Variants in QTGAL observed in about 807,000 individuals in gnomAD.
QTGAL encodes the protein queuosine-tRNA galactosyltransferase.
the QTGAL span, among the ~76,000 whole-genome samples, chr17:82,974,967 C>CT: frequency 7.9e-3 from 929 of 118,160 alleles, 41 homozygotes; most frequent in African/African-American, 0.037. Context: ...CCGGAGGCCA[C>CT]TATGGAGAGT....
chr17:83,046,986 C>T, the QTGAL span, among the ~76,000 whole-genome samples: 916 of 152,358 alleles, frequency 6.0e-3, 9 homozygotes, highest in African/African-American at 0.02. Context: ...TGGAACCTGA[C>T]TCCATTCACA....
the QTGAL span, chr17:82,956,577 C>A: frequency 1.6e-3 from 1,889 of 1,178,526 alleles, 8 homozygotes; most frequent in Non-Finnish European, 2.1e-3. This position sits in a 1 kb window ranked among gnomAD's most constrained non-coding sequence, Gnocchi z 5.7. Flanking sequence ...GTCCCCATGC[C>A]CACCATCGGC....
At chr17:82,962,609 G>A in the QTGAL span, among the ~76,000 whole-genome samples, 2 of 133,494 alleles carry the variant, frequency 1.5e-5, no homozygotes, top group African/African-American at 5.3e-5. Context: ...ACCCTCACAC[G>A]GGTGATTTAG....
the QTGAL span, among the ~76,000 whole-genome samples, chr17:82,969,221 G>A: frequency 2.6e-5 from 4 of 151,764 alleles, no homozygotes; most frequent in African/African-American, 7.3e-5. Flanking sequence ...GTGCAGTGGC[G>A]CGATCTCAGC....
chr17:83,036,809 C>A, the QTGAL span, among the ~76,000 whole-genome samples: 2 of 152,146 alleles, frequency 1.3e-5, no homozygotes, highest in Admixed American at 6.5e-5. Flanking sequence ...AGGCACTGGG[C>A]AGCTTTGTGG....
chr17:83,048,640 G>A, the QTGAL span: 3 of 1,606,654 alleles, frequency 1.9e-6, no homozygotes, highest in East Asian at 4.5e-5. Context: ...CACTGGGGCT[G>A]AGTCACCCGA....
At chr17:82,961,043 C>T in the QTGAL span, 5 of 1,603,030 alleles carry the variant, frequency 3.1e-6, no homozygotes, top group South Asian at 3.3e-5. Context: ...CGGGGCCGGG[C>T]GGGGCTGACT....
the QTGAL span, among the ~76,000 whole-genome samples, chr17:82,970,072 G>C: frequency 2.0e-5 from 3 of 152,178 alleles, no homozygotes; most frequent in African/African-American, 7.2e-5. Flanking sequence ...GGATAACTTC[G>C]AGCAACCTAC....
At chr17:82,967,438 G>A in the QTGAL span, among the ~76,000 whole-genome samples, 1 of 152,086 alleles carries the variant, frequency 6.6e-6, no homozygotes, top group East Asian at 1.9e-4. Flanking sequence ...TCCATCCTGA[G>A]GAAGGTCGCT....
At chr17:83,010,553 C>T in the QTGAL span, among the ~76,000 whole-genome samples, 2 of 152,244 alleles carry the variant, frequency 1.3e-5, no homozygotes, top group Non-Finnish European at 2.9e-5. Context: ...GGCTGGGGGC[C>T]GTGGCCCTCC....
At chr17:82,963,047 G>C in the QTGAL span, among the ~76,000 whole-genome samples, 39 of 152,328 alleles carry the variant, frequency 2.6e-4, 2 homozygotes, top group Middle Eastern at 6.8e-3. Context: ...GCAGGGAGAG[G>C]GGGAGGGGTC....
chr17:83,015,799 A>T, the QTGAL span, among the ~76,000 whole-genome samples: 1 of 151,962 alleles, frequency 6.6e-6, no homozygotes, highest in Non-Finnish European at 1.5e-5. The surrounding 1 kb of genome is among the most constrained non-coding windows in gnomAD (Gnocchi z 4.4). Flanking sequence ...CAGGTCACAG[A>T]CTCCTTATGA....
At chr17:82,967,268 A>G in the QTGAL span, among the ~76,000 whole-genome samples, 3 of 152,186 alleles carry the variant, frequency 2.0e-5, no homozygotes, top group Admixed American at 6.5e-5. Context: ...ATGTTTTCCT[A>G]TAACTGACAC....
chr17:82,980,328 G>A, the QTGAL span, among the ~76,000 whole-genome samples: 1 of 152,128 alleles, frequency 6.6e-6, no homozygotes, highest in African/African-American at 2.4e-5. Context: ...CACAATGTGC[G>A]GGTCTGTTCT....
the QTGAL span, among the ~76,000 whole-genome samples, chr17:82,961,655 AG>A: frequency 6.6e-6 from 1 of 152,180 alleles, no homozygotes; most frequent in Non-Finnish European, 1.5e-5. Context: ...GGCTGCGGGC[AG>A]GGGAGCCCAG....
the QTGAL span, among the ~76,000 whole-genome samples, chr17:83,016,275 CTGTTTT>C: frequency 2.6e-5 from 4 of 152,286 alleles, no homozygotes; most frequent in Middle Eastern, 3.4e-3. Context: ...GGAAGGATAT[CTGTTTT>C]TAAGTTGAAC....
At chr17:83,027,594 TGA>T in the QTGAL span, among the ~76,000 whole-genome samples, 2 of 150,140 alleles carry the variant, frequency 1.3e-5, no homozygotes, top group African/African-American at 4.9e-5. Flanking sequence ...CTCCATGCTT[TGA>T]GAGGCTGAGA....
At chr17:83,008,681 C>T in the QTGAL span, among the ~76,000 whole-genome samples, 3 of 152,210 alleles carry the variant, frequency 2.0e-5, no homozygotes, top group South Asian at 4.1e-4. Flanking sequence ...GGCAGGCTCT[C>T]CTGGACACTT....
At chr17:83,044,646 G>A in the QTGAL span, among the ~76,000 whole-genome samples, 181 of 152,276 alleles carry the variant, frequency 1.2e-3, 2 homozygotes, top group Admixed American at 4.8e-3. Context: ...CAACCAGAGC[G>A]ATGAAGAAAG....
Sources: gnomAD v4.1 joint callset for allele counts (sites outside exome capture counted in the v4.1 genomes callset) on GRCh38, gnomAD v4.1.1 for gene constraint, Gnocchi (gnomAD v3.1) non-coding constraint, MANE v1.5 for transcripts, NCBI Gene and HGNC (gene_info 2026-07-23, HGNC 2026-07-21) for gene names.